The following PDE4D variants were observed in gnomAD, a reference collection of about 807,000 sequenced individuals.
The protein encoded by PDE4D is phosphodiesterase 4D, also known as 3',5'-cyclic-AMP phosphodiesterase 4D.
In PDE4D, 24 loss-of-function variants were observed where a neutral mutation model predicts 87.4. That is an observed-to-expected ratio of 0.27 (90% CI 0.20 to 0.39). PDE4D has a LOEUF of 0.39. Among genes scored for constraint, PDE4D ranks in the 10% least tolerant of loss-of-function variants. The pLI is 1.00. For missense variants in PDE4D, 714 were observed against 1,041.0 expected, an observed-to-expected ratio of 0.69 and a Z score of 4.32; for synonymous variants, 384 against 383.2, an observed-to-expected ratio of 1.00 and a Z score of -0.02.
chr5:60,204,184 GTCTA>G (rs1004993179), intron 1 of PDE4D, among the ~76,000 whole-genome samples: 9 of 151,958 alleles, frequency 5.9e-5, no homozygotes, highest in African/African-American at 1.5e-4. Context: ...CTGTCTGTCT[GTCTA>G]TCTATCTATC....
chr5:59,974,409 T>C (rs1273483120), intron 3 of PDE4D, among the ~76,000 whole-genome samples: 4 of 152,190 alleles, frequency 2.6e-5, no homozygotes, highest in African/African-American at 9.7e-5. Context: ...AATTCATATT[T>C]TTTAAAAAAT....
chr5:60,247,231 C>T (rs1747887854), intron 1 of PDE4D, among the ~76,000 whole-genome samples: 1 of 151,912 alleles, frequency 6.6e-6, no homozygotes, highest in Non-Finnish European at 1.5e-5. Flanking sequence ...CAAAGGCAGC[C>T]ACAGTATCAA....
intron 2 of PDE4D, among the ~76,000 whole-genome samples, chr5:60,007,892 A>C (rs1270311962): frequency 6.6e-6 from 1 of 151,956 alleles, no homozygotes; most frequent in Non-Finnish European, 1.5e-5. Flanking sequence ...CTCTGCTCTC[A>C]AAGAGCATAT....
intron 1 of PDE4D, among the ~76,000 whole-genome samples, chr5:59,663,369 C>T (rs993937063): frequency 1.3e-5 from 2 of 151,828 alleles, no homozygotes; most frequent in African/African-American, 4.8e-5. Context: ...TGGGGTGTCA[C>T]TGTGTTGGCC....
rs146404695 is a variant in PDE4D, at chr5:59,275,858, T to C, written c.456-59890A>G. ...GGGAGGTACTGTAACACGGGAGAGC[T>C]GTCAAGGAAGTTCCATTTCAGGGCA... On this transcript the variant is annotated intron_variant, in intron 1 of 14. Coordinates refer to ENST00000340635, the MANE Select transcript of PDE4D (RefSeq NM_001104631.2). 3.3e-4 allele frequency: 325 copies of C among 985,650 alleles called. 10 individuals carry two copies. In the East Asian group the frequency reaches 0.029, roughly 89 times the overall value. 61.1% of individuals were successfully genotyped at this position (985,650 alleles called of 1,614,324 possible).
chr5:59,417,585 A>G (rs1793820243), intron 1 of PDE4D, among the ~76,000 whole-genome samples: 1 of 151,874 alleles, frequency 6.6e-6, no homozygotes, highest in Non-Finnish European at 1.5e-5. Flanking sequence ...ATGATAGAGC[A>G]CTCAAGCTCA....
At chr5:58,977,788 G>A (rs2153310015) in intron 11 of PDE4D, among the ~76,000 whole-genome samples, 1 of 152,270 alleles carries the variant, frequency 6.6e-6, no homozygotes, top group East Asian at 1.9e-4. Context: ...TACTCAAAGA[G>A]GGTACAAGAA....
intron 1 of PDE4D, among the ~76,000 whole-genome samples, chr5:60,349,380 C>T (rs1304063153): frequency 1.3e-5 from 2 of 152,174 alleles, no homozygotes; most frequent in East Asian, 1.9e-4. Flanking sequence ...CAGACCCCCA[C>T]ATCTAAGGAA....
intron 2 of PDE4D, among the ~76,000 whole-genome samples, chr5:60,009,520 A>G (rs1437628645): frequency 6.6e-6 from 1 of 151,934 alleles, no homozygotes; most frequent in Non-Finnish European, 1.5e-5. Flanking sequence ...CAGTATAAAC[A>G]AGTGAGCTAT....
At position 59,052,850 on chromosome 5, in the gene PDE4D, G is replaced by C. The variant is rs193029420; in HGVS notation, c.809-13879C>G. On this transcript the variant is annotated intron_variant, in intron 5 of 14. Transcript: ENST00000340635. ...ATTCATATCTCTATCTTTTTTGGCG[G>C]TTCAGTTCAACTTAAATGTGTTATT... Among the ~76,000 whole-genome samples, 14 of 152,148 alleles carry C rather than the reference G, an allele frequency of 9.2e-5. No individual in the cohort carries two copies. In the East Asian group the frequency reaches 2.7e-3, roughly 29 times the overall value.
chr5:59,905,283 C>T (rs966438662), intron 3 of PDE4D, among the ~76,000 whole-genome samples: 3 of 152,036 alleles, frequency 2.0e-5, no homozygotes, highest in African/African-American at 7.2e-5. Flanking sequence ...CTTTGTGGAG[C>T]GTGGCAAATG....
chr5:60,126,996 T>C (rs1336275896), intron 2 of PDE4D, among the ~76,000 whole-genome samples: 2 of 152,194 alleles, frequency 1.3e-5, no homozygotes, highest in Admixed American at 6.6e-5. Flanking sequence ...ATATAGAAGA[T>C]AGTTCTGACA....
intron 2 of PDE4D, among the ~76,000 whole-genome samples, chr5:60,131,675 A>C (rs759874000): frequency 9.2e-5 from 14 of 152,210 alleles, no homozygotes; most frequent in Admixed American, 2.0e-4. Context: ...TTGAGCAAAG[A>C]CACAGGAATA....
chr5:60,240,140 T>TAGAGAG, intron 1 of PDE4D, among the ~76,000 whole-genome samples: 1 of 152,114 alleles, frequency 6.6e-6, no homozygotes, highest in Non-Finnish European at 1.5e-5. Context: ...ACATTTTTCT[T>TAGAGAG]TTATTATACT....
At chr5:59,311,875 C>A (rs1772727186) in intron 1 of PDE4D, among the ~76,000 whole-genome samples, 1 of 152,130 alleles carries the variant, frequency 6.6e-6, no homozygotes, top group South Asian at 2.1e-4. Flanking sequence ...AACCTCACAT[C>A]CTAGCTATGC....
rs1019047755 is a variant in PDE4D at position 60,276,881 on chromosome 5, T to C, written c.-89-91194A>G. Among the ~76,000 whole-genome samples the C allele has an allele frequency of 9.2e-5, 14 of 152,174 alleles. 1 individual carries two copies. Among genetic ancestry groups the C allele is most frequent in the Admixed American group, 8.5e-4 (13 of 15,288 alleles). ...TATTTCTGCTTTTCTGTGATTAATA[T>C]TTATATGATATACATTTTTATCTTT... On this transcript the variant is annotated intron_variant, in intron 1 of 16. Transcript: ENST00000502484.
At chr5:59,368,823 A>T (rs183929502) in intron 1 of PDE4D, among the ~76,000 whole-genome samples, 8 of 152,324 alleles carry the variant, frequency 5.3e-5, no homozygotes, top group African/African-American at 1.9e-4. Flanking sequence ...TGAGGAGCTC[A>T]TTCATTGCTA....
At chr5:59,780,555 T>C (rs1764514625) in intron 1 of PDE4D, among the ~76,000 whole-genome samples, 1 of 152,218 alleles carries the variant, frequency 6.6e-6, no homozygotes, top group Non-Finnish European at 1.5e-5. Context: ...GCTTTTCCTA[T>C]AATAAAGATA....
At chr5:60,160,627 T>C in intron 2 of PDE4D, 1 of 209,200 alleles carries the variant, frequency 4.8e-6, no homozygotes, top group South Asian at 6.4e-5. Flanking sequence ...ATCTCATTGG[T>C]TTGTCTCACA....
Sources: gnomAD v4.1 joint callset for allele counts (sites outside exome capture counted in the v4.1 genomes callset) on GRCh38, gnomAD v4.1.1 for gene constraint, MANE v1.5 for transcripts, NCBI Gene and HGNC (gene_info 2026-07-23, HGNC 2026-07-21) for gene names.